LYSMD4: variants seen among roughly 807,000 people sequenced by gnomAD.
The protein encoded by LYSMD4 is LysM domain containing 4.
LYSMD4 carries 9 observed loss-of-function variants against 6.1 expected under a neutral mutation model. That is an observed-to-expected ratio of 1.47 (90% CI 0.88 to 2.56). The LOEUF (loss-of-function observed/expected upper bound fraction) is 2.56, where lower values mean the gene tolerates loss of function less well. Ranked by LOEUF, LYSMD4 falls within the 30% of genes most tolerant of loss-of-function variation. The pLI is 0.00. For missense variants in LYSMD4, 384 were observed against 373.5 expected (o/e 1.03, Z -0.23); for synonymous variants, 143 against 148.5 (o/e 0.96, Z 0.27).
intron 1 of LYSMD4, chr15:99,733,108 G>A (rs1260482927): frequency 2.8e-6 from 1 of 363,134 alleles, no homozygotes; most frequent in Non-Finnish European, 4.9e-6. Context: ...ACGGCTCCAC[G>A]GGCGGGGCCC....
chr15:99,731,843 T>C lies in LYSMD4; in HGVS notation c.157A>G (p.Lys53Glu). 6.2e-7 allele frequency: 1 copy of C among 1,613,242 alleles called. No homozygotes were observed. The highest frequency in any genetic ancestry group is 8.5e-7 in the Non-Finnish European group (1 of 1,180,038). Residue 53 changes from lysine to glutamate, a missense_variant, in exon 2 of 3, where the codon AAG becomes GAG. Transcript: ENST00000684762. ...TGGACACCGCTCTTGTGGCGCTCCT[T>C]GCCCCGGGGCCGCAAAACCACACGG... ...SHRVVLRPRG[K>E]ERHKSGVHQP...
chr15:99,733,384 T>TCGCGACCCGCGACC lies in LYSMD4; in HGVS notation c.-62_-49dup, dbSNP rs1320151239. ...TCCGCCGCGACCGGCGACCGGCGACTCGCGACCCGCGACCCGCGACCCGCA... is the reference window on the plus strand; with the variant it reads ...TCCGCCGCGACCGGCGACCGGCGACTCGCGACCCGCGACCCGCGACCCGCGACCCGCGACCCGCA... On this transcript the variant is annotated 5_prime_UTR_variant, in exon 1 of 3. Coordinates refer to ENST00000684762, the MANE Select transcript of LYSMD4 (RefSeq NM_001284417.2). The TCGCGACCCGCGACC allele has an allele frequency of 2.3e-5, 9 of 395,242 alleles. No homozygotes were observed. The highest frequency in any genetic ancestry group is 1.8e-4 in the East Asian group (5 of 27,884). 24.5% of individuals were successfully genotyped at this position (395,242 alleles called of 1,614,324 possible). A position where few individuals can be genotyped will look rare whatever the true frequency, so the allele number is the denominator to read the frequency against.
At chr15:99,720,928 T>C (rs947556790), upstream of LYSMD4, 10 of 152,354 alleles carry the variant, frequency 6.6e-5, no homozygotes, top group African/African-American at 2.4e-4. Flanking sequence ...GTCCCCTCTT[T>C]CTGGCAGCAT....
intron 2 of LYSMD4, among the ~76,000 whole-genome samples, chr15:99,729,944 A>G (rs565575880): frequency 6.6e-6 from 1 of 152,348 alleles, no homozygotes; most frequent in Non-Finnish European, 1.5e-5. Flanking sequence ...ATAGTTTAGT[A>G]ATCAGATATT....
upstream of LYSMD4, among the ~76,000 whole-genome samples, chr15:99,718,588 T>C (rs2059212723): frequency 6.6e-6 from 1 of 152,230 alleles, no homozygotes; most frequent in South Asian, 2.1e-4. Context: ...TCGGATTTTA[T>C]TTCTCCTGTG....
At chr15:99,731,168 C>T (rs2059399441) in intron 2 of LYSMD4, 3 of 1,611,828 alleles carry the variant, frequency 1.9e-6, no homozygotes, top group South Asian at 1.1e-5. Flanking sequence ...TACTTTCCTA[C>T]TTACTTTGCC....
intron 1 of LYSMD4, among the ~76,000 whole-genome samples, chr15:99,732,317 A>G (rs2059438326): frequency 6.6e-6 from 1 of 152,230 alleles, no homozygotes; most frequent in Non-Finnish European, 1.5e-5. Context: ...TTTTGCTCTC[A>G]GAGTAGTAAG....
chr15:99,725,902 C>T (rs139333483), downstream of LYSMD4, among the ~76,000 whole-genome samples: 3 of 152,136 alleles, frequency 2.0e-5, no homozygotes, highest in East Asian at 1.9e-4. Flanking sequence ...GCTGTGTGGT[C>T]GTAAGCAGCT....
At position 99,729,669 on chromosome 15, in the gene LYSMD4, A is replaced by G. The variant is rs755074187; in HGVS notation, c.345T>C (p.Ser115=). The change falls in exon 3 of 3, where the codon TCT becomes TCC. Residue 115 remains serine, a synonymous_variant. Transcript: ENST00000684762. ...CATGGTTTCTCACTGGAATCTTAAC[A>G]GATTTCAAAGCATATAAGTCTTGTT... is the stretch of plus-strand genomic sequence containing the variant. ...IREQDLYALK[S]VKIPVRNHGI... is the part of the protein sequence containing the mutation. 2 of 1,614,084 alleles carry G rather than the reference A, an allele frequency of 1.2e-6. No homozygotes were observed. Among genetic ancestry groups the G allele is most frequent in the East Asian group, 2.2e-5 (1 of 44,890 alleles).
chr15:99,731,550 C>A, intron 2 of LYSMD4, 168 bp downstream of exon 2: 1 of 1,536,366 alleles, frequency 6.5e-7, no homozygotes, highest in South Asian at 1.3e-5. Flanking sequence ...TAAAGGTACT[C>A]CCACCTGCAT....
chr15:99,726,728 G>GAACA (rs2059286324), downstream of LYSMD4, among the ~76,000 whole-genome samples: 1 of 152,090 alleles, frequency 6.6e-6, no homozygotes, highest in African/African-American at 2.4e-5. Context: ...CAGCACTATA[G>GAACA]TTCAACCAAA....
chr15:99,721,480 T>G (rs1282759394), upstream of LYSMD4, among the ~76,000 whole-genome samples: 1 of 152,260 alleles, frequency 6.6e-6, no homozygotes, highest in Non-Finnish European at 1.5e-5. Context: ...AATGCAGTCA[T>G]GTTGATTGAA....
exon 1 of LYSMD4, chr15:99,716,227 C>T (rs2059139386): frequency 8.5e-6 from 2 of 236,284 alleles, no homozygotes; most frequent in South Asian, 1.0e-4. Flanking sequence ...TTGTAGTCAA[C>T]AGTTCACACA....
chr15:99,727,504 G>C lies in LYSMD4; in HGVS notation c.*1619C>G, dbSNP rs1463057247. On this transcript the variant is annotated 3_prime_UTR_variant, in exon 3 of 3. Coordinates refer to ENST00000684762, the MANE Select transcript of LYSMD4 (RefSeq NM_001284417.2). ...ATTTTGTCATGGAACTCCAAGGCCTGCCTGGTGAAGTGACAGTGACAGATG... is the reference window on the plus strand; with the variant it reads ...ATTTTGTCATGGAACTCCAAGGCCTCCCTGGTGAAGTGACAGTGACAGATG... 1 of 152,224 alleles carries C rather than the reference G, an allele frequency of 6.6e-6. No individual in the cohort carries two copies. Among genetic ancestry groups the C allele is most frequent in the Non-Finnish European group, 1.5e-5 (1 of 68,044 alleles). The allele number at this position is 152,224 out of a possible 1,614,324, so 9.4% of individuals were successfully genotyped here.
At chr15:99,718,329 C>G (rs929964168), upstream of LYSMD4, among the ~76,000 whole-genome samples, 1 of 152,184 alleles carries the variant, frequency 6.6e-6, no homozygotes, top group Non-Finnish European at 1.5e-5. Flanking sequence ...CCAGGCGATA[C>G]TGACTTTGAT....
chr15:99,721,592 C>T (rs930682975), upstream of LYSMD4, among the ~76,000 whole-genome samples: 8 of 152,202 alleles, frequency 5.3e-5, no homozygotes, highest in Non-Finnish European at 5.9e-5. Context: ...CTTTTGGCTT[C>T]CTGTCCCATG....
chr15:99,730,665 C>A (rs921555071), intron 2 of LYSMD4, among the ~76,000 whole-genome samples: 1 of 152,250 alleles, frequency 6.6e-6, no homozygotes, highest in Non-Finnish European at 1.5e-5. Context: ...GAATCTAATG[C>A]ATGAGACCCT....
At chr15:99,722,441 T>C (rs1252513923), downstream of LYSMD4, among the ~76,000 whole-genome samples, 1 of 152,120 alleles carries the variant, frequency 6.6e-6, no homozygotes, top group African/African-American at 2.4e-5. Context: ...GCACAAACTA[T>C]TTAAAGGAAG....
chr15:99,719,532 C>A (rs568806110), upstream of LYSMD4, among the ~76,000 whole-genome samples: 13 of 152,178 alleles, frequency 8.5e-5, no homozygotes, highest in Non-Finnish European at 1.6e-4. Context: ...AAATAGGCAG[C>A]TTTGCTTTTT....
Sources: allele counts gnomAD v4.1 joint callset (sites outside exome capture counted in the v4.1 genomes callset), GRCh38; gene constraint gnomAD v4.1.1; transcripts MANE v1.5; gene names NCBI Gene and HGNC (gene_info 2026-07-23, HGNC 2026-07-21).